Variants in MAST4 observed in about 807,000 individuals in gnomAD.
MAST4 encodes the protein microtubule-associated serine/threonine-protein kinase 4.
Under a neutral mutation model 162.7 loss-of-function variants are expected in MAST4, and 89 were observed. The ratio of observed to expected loss-of-function variants is 0.55; its 90% confidence interval spans 0.46 to 0.65. The LOEUF (loss-of-function observed/expected upper bound fraction) is 0.65. Among genes scored for constraint, MAST4 ranks in the 30% least tolerant of loss-of-function variants. The pLI, the probability that MAST4 is intolerant of heterozygous loss-of-function variation, is 0.00. For synonymous variants in MAST4, 1,479 were observed against 1,361.1 expected (o/e 1.09, Z -1.91); for missense variants, 3,153 against 3,374.0 (o/e 0.93, Z 1.62).
chr5:67,165,242 C>G lies in MAST4; in HGVS notation c.6063C>G (p.Thr2021=). 1 of 1,612,762 alleles carries G rather than the reference C, an allele frequency of 6.2e-7. No homozygotes were observed. Among genetic ancestry groups the G allele is most frequent in the Non-Finnish European group, 8.5e-7 (1 of 1,179,610 alleles). Residue 2021 remains threonine, a synonymous_variant, in exon 29 of 29, where the codon ACC becomes ACG. Transcript: ENST00000403625. Reference sequence around the variant, plus strand: ...AAAATCTCCTCTCTGTGGGAAGGACCCACCCAGATTTCTATACACAGACCC... The same window carrying G: ...AAAATCTCCTCTCTGTGGGAAGGACGCACCCAGATTTCTATACACAGACCC... The part of the protein sequence containing the change: ...NSKNLLSVGR[T]HPDFYTQTQA...
chr5:67,014,551 G>C (rs1335301563), intron 4 of MAST4, among the ~76,000 whole-genome samples: 1 of 152,176 alleles, frequency 6.6e-6, no homozygotes, highest in African/African-American at 2.4e-5. Flanking sequence ...TATTTTTACT[G>C]TGTGGCCTGT....
chr5:66,627,339 G>A (rs1744503092), intron 1 of MAST4, among the ~76,000 whole-genome samples: 1 of 152,140 alleles, frequency 6.6e-6, no homozygotes, highest in Non-Finnish European at 1.5e-5. Flanking sequence ...GGAGATTATG[G>A]GAACTAAAAG....
intron 5 of MAST4, among the ~76,000 whole-genome samples, chr5:67,069,816 A>ATAGT (rs1760716071): frequency 6.6e-6 from 1 of 151,966 alleles, no homozygotes; most frequent in African/African-American, 2.4e-5. Context: ...AAGTCCTGCA[A>ATAGT]TAGTTACCAG....
chr5:66,866,622 A>C (rs776152495), intron 3 of MAST4, among the ~76,000 whole-genome samples: 69 of 152,342 alleles, frequency 4.5e-4, no homozygotes, highest in Middle Eastern at 3.4e-3. Flanking sequence ...TTACATTTAA[A>C]TGTAGTGTTT....
intron 9 of MAST4, 21 bp downstream of exon 9, chr5:67,102,632 T>C: frequency 6.3e-7 from 1 of 1,589,906 alleles, no homozygotes; most frequent in East Asian, 2.2e-5. Context: ...GAATTGAAGA[T>C]GCCTAGCATC....
In MAST4 at chr5:67,164,447, T is replaced by A; in HGVS notation, c.5268T>A (p.Val1756=). 1 of 1,613,964 alleles carries A rather than the reference T, an allele frequency of 6.2e-7. No individual in the cohort carries two copies. The highest frequency in any genetic ancestry group is 8.5e-7 in the Non-Finnish European group (1 of 1,179,886). ...HAAQMSAVSF[V]PLKALTGRVD... Reference sequence around the variant, plus strand: ...CTCAGATGAGTGCCGTCTCTTTTGTTCCCCTCAAGGCCTTAACAGGCCGGG... The same window carrying A: ...CTCAGATGAGTGCCGTCTCTTTTGTACCCCTCAAGGCCTTAACAGGCCGGG... Residue 1756 remains valine (V), a synonymous_variant, in exon 29 of 29, where the codon GTT becomes GTA. Coordinates refer to ENST00000403625, the MANE Select transcript of MAST4 (RefSeq NM_001164664.2). The surrounding 1 kb of genome is among the most constrained non-coding windows in gnomAD (Gnocchi z 5.3).
rs75056081 is a variant in MAST4, at chr5:67,094,397, A to G, written c.834-1200A>G. ...TAATGTTGTTGAATTCCCTAACTTC[A>G]ATTTATTGTGAATGTATCCCTGGTA... On this transcript the variant is annotated intron_variant, in intron 6 of 28. Coordinates refer to ENST00000403625, the MANE Select transcript of MAST4 (RefSeq NM_001164664.2). Among the ~76,000 whole-genome samples the G allele has an allele frequency of 9.7e-3, 1,472 of 152,294 alleles. 21 individuals are homozygous for G. Among genetic ancestry groups the G allele is most frequent in the African/African-American group, 0.032 (1,331 of 41,558 alleles).
intron 1 of MAST4, among the ~76,000 whole-genome samples, chr5:66,738,603 A>G (rs1752301197): frequency 6.6e-6 from 1 of 152,200 alleles, no homozygotes; most frequent in South Asian, 2.1e-4. Context: ...GGTGCTAGGT[A>G]CGGCGGAGGA....
At position 67,057,606 on chromosome 5, in the gene MAST4, G is replaced by GGA. The variant is rs1466019966; in HGVS notation, c.763+3114_763+3115insGA. Among the ~76,000 whole-genome samples the GGA allele has an allele frequency of 4.5e-4, 49 of 108,844 alleles. 1 individual carries two copies. Among genetic ancestry groups the GGA allele is most frequent in the African/African-American group, 1.6e-3 (46 of 29,202 alleles). The allele number at this position is 108,844 out of a possible 152,430, so 71.4% of individuals were successfully genotyped here. On this transcript the variant is annotated intron_variant, in intron 5 of 28. Transcript: ENST00000403625. ...ACAGTCTCATTAAAAAAAAAAAAAA[G>GGA]AAGGAAAGAAAAGAAAAGAAAAGAA...
intron 4 of MAST4, among the ~76,000 whole-genome samples, chr5:67,046,039 C>A (rs1339143265): frequency 6.6e-6 from 1 of 152,074 alleles, no homozygotes; most frequent in Non-Finnish European, 1.5e-5. Flanking sequence ...TCTCAATACA[C>A]AAATACCATT....
chr5:66,824,953 A>T (rs1166018112), intron 3 of MAST4, among the ~76,000 whole-genome samples: 1 of 152,170 alleles, frequency 6.6e-6, no homozygotes, highest in Non-Finnish European at 1.5e-5. Context: ...TCAATGAGTG[A>T]GTGGTGAGTG....
At chr5:67,100,373 C>A (rs1196018231) in intron 7 of MAST4, 62 bp from the exon 8 acceptor site, 6 of 1,556,608 alleles carry the variant, frequency 3.9e-6, no homozygotes, top group Non-Finnish European at 4.4e-6. Context: ...ATCGATCTCT[C>A]CTGTTCATTT....
chr5:66,866,043 C>G (rs1760492633), intron 3 of MAST4, among the ~76,000 whole-genome samples: 1 of 143,680 alleles, frequency 7.0e-6, no homozygotes, highest in African/African-American at 2.6e-5. Flanking sequence ...CCACCACACT[C>G]CAGCCTGGGT....
chr5:66,734,241 C>G (rs12188593), intron 1 of MAST4, among the ~76,000 whole-genome samples: 2 of 152,018 alleles, frequency 1.3e-5, no homozygotes, highest in African/African-American at 4.8e-5. Flanking sequence ...AGATTGCAGA[C>G]TTTTGGGGGG....
chr5:66,763,840 G>T (rs1052696544), intron 2 of MAST4, among the ~76,000 whole-genome samples: 1 of 152,122 alleles, frequency 6.6e-6, no homozygotes, highest in Non-Finnish European at 1.5e-5. Context: ...CTTCTGATGG[G>T]TTTATCTGGA....
intron 3 of MAST4, among the ~76,000 whole-genome samples, chr5:66,824,069 C>T (rs933600076): frequency 1.3e-5 from 2 of 152,208 alleles, no homozygotes; most frequent in African/African-American, 4.8e-5. Flanking sequence ...TATTCATCCA[C>T]TTGGCCATAT....
intron 26 of MAST4, among the ~76,000 whole-genome samples, chr5:67,158,366 T>C (rs1298521113): frequency 2.0e-5 from 3 of 152,196 alleles, no homozygotes; most frequent in African/African-American, 7.2e-5. Flanking sequence ...CTAAAATATT[T>C]CCTGCAAATA....
intron 21 of MAST4, chr5:67,142,883 C>G (rs1274207944): frequency 5.5e-6 from 1 of 180,452 alleles, no homozygotes; most frequent in African/African-American, 2.4e-5. Flanking sequence ...AGCCTTGCAC[C>G]CACAGTCTTG....
intron 4 of MAST4, among the ~76,000 whole-genome samples, chr5:66,960,426 A>G (rs1745868554): frequency 6.6e-6 from 1 of 152,212 alleles, no homozygotes; most frequent in African/African-American, 2.4e-5. Context: ...GACATTCTTC[A>G]TATTAGAGGT....
Sources: gnomAD v4.1 joint callset for allele counts (sites outside exome capture counted in the v4.1 genomes callset) on GRCh38, gnomAD v4.1.1 for gene constraint, Gnocchi (gnomAD v3.1) non-coding constraint, MANE v1.5 for transcripts, NCBI Gene and HGNC (gene_info 2026-07-23, HGNC 2026-07-21) for gene names.